DNHD1: variants seen among roughly 807,000 people sequenced by gnomAD.
The protein encoded by DNHD1 is dynein heavy chain domain-containing protein 1.
In DNHD1, 383 loss-of-function variants were observed where a neutral mutation model predicts 458.1. The ratio of observed to expected loss-of-function variants is 0.84; its 90% CI spans 0.77 to 0.91. The LOEUF is 0.91. Ranked by LOEUF, DNHD1 falls within the 40% of genes least tolerant of loss-of-function variation. The pLI is 0.00. For missense variants in DNHD1, 5,336 were observed against 5,866.1 expected, an observed-to-expected ratio of 0.91 and a Z score of 2.95; for synonymous variants, 2,203 against 2,376.9, an observed-to-expected ratio of 0.93 and a Z score of 2.13.
intron 7 of DNHD1, among the ~76,000 whole-genome samples, chr11:6,516,922 A>T (rs189030591): frequency 5.3e-5 from 8 of 152,256 alleles, no homozygotes; most frequent in Admixed American, 2.0e-4. Flanking sequence ...CAAGATTGTT[A>T]TGAACATTCT....
intron 24 of DNHD1, among the ~76,000 whole-genome samples, chr11:6,552,189 A>G (rs969262102): frequency 5.7e-5 from 8 of 140,538 alleles, no homozygotes; most frequent in South Asian, 4.8e-4. Flanking sequence ...CTGTTTTCAC[A>G]CTGCAATAAA....
rs777219801 is a variant in DNHD1, at chr11:6,556,824, G to C, written c.7529G>C (p.Cys2510Ser). Reference sequence around the variant, plus strand: ...GCCACTGTCACAGTGCCAGGATACTGTGAGCGCCCACTGTGTCCACGCCTC... The same window carrying C: ...GCCACTGTCACAGTGCCAGGATACTCTGAGCGCCCACTGTGTCCACGCCTC... ...FLATVTVPGY[C>S]ERPLCPRLFR... Residue 2510 changes from cysteine (C) to serine (S), a missense_variant, in exon 25 of 43, where the codon TGT (cysteine) becomes TCT (serine). By Grantham distance (112) the Cys-to-Ser change is moderately radical. This residue lies in a region of DNHD1 where 3,932 missense variants were observed against 4,365.6 expected (regional missense o/e 0.90). Coordinates refer to ENST00000254579, the MANE Select transcript of DNHD1 (RefSeq NM_144666.3). 1.2e-5 allele frequency: 19 copies of C among 1,551,566 alleles called. No homozygotes were observed. The highest frequency in any genetic ancestry group is 1.6e-5 in the Non-Finnish European group (18 of 1,146,994).
chr11:6,539,356 A>G, intron 17 of DNHD1, 43 bp downstream of exon 17: 1 of 1,415,584 alleles, frequency 7.1e-7, no homozygotes, highest in South Asian at 1.2e-5. Context: ...GTCCAAAGCC[A>G]GGACCTGTAA....
intron 24 of DNHD1, among the ~76,000 whole-genome samples, chr11:6,556,090 T>C (rs1030200466): frequency 6.6e-6 from 1 of 152,150 alleles, no homozygotes. Context: ...CCTCCAGCCT[T>C]AGCCTCCCAA....
intron 28 of DNHD1, 29 bp from the exon 29 acceptor site, chr11:6,562,953 A>G: frequency 6.5e-7 from 1 of 1,545,746 alleles, no homozygotes. Flanking sequence ...CAAGATCTGG[A>G]GCTGCAGGGC....
In DNHD1 at chr11:6,568,799, C is replaced by T. The variant is rs1174873094; in HGVS notation, c.12796C>T (p.Leu4266Phe). 1.2e-6 allele frequency: 2 copies of T among 1,613,420 alleles called. No individual in the cohort carries two copies. The highest frequency in any genetic ancestry group is 2.2e-5 in the East Asian group (1 of 44,854). ...CCCCACCCAGGCACTACCTCTGCTC[C>T]TCCTCCATGGCCTCCTGCTACACCG... The part of the protein sequence containing the change: ...QPPTQALPLL[L>F]LHGLLLHRQL... The change falls in exon 39 of 43, where the codon CTC becomes TTC. Residue 4266 changes from leucine to phenylalanine, a missense_variant. By Grantham distance (22) the Leu-to-Phe change is conservative (BLOSUM62 0). This residue lies in a region of DNHD1 where 698 missense variants were observed against 664.9 expected (regional missense o/e 1.05). Coordinates refer to ENST00000254579, the MANE Select transcript of DNHD1 (RefSeq NM_144666.3).
Position 6,546,593 on chromosome 11 carries a change from T to C in DNHD1, c.5654T>C (p.Ile1885Thr). 1 of 1,551,770 alleles carries C rather than the reference T, an allele frequency of 6.4e-7. No homozygotes were observed. ...CTCAAGCAGATACTGGAAGACACAA[T>C]ACGGACACTAAATGTGACCAAGGAG... ...PLLKQILEDT[I>T]RTLNVTKEEP... Residue 1885 changes from isoleucine (I) to threonine (T), a missense_variant, in exon 21 of 43, where the codon ATA (isoleucine) becomes ACA (threonine). Ile to Thr is a moderately conservative substitution (Grantham distance 89). Around this residue, in one of 4 missense-constraint regions of DNHD1, gnomAD observed 3,932 missense variants for 4,365.6 expected, o/e 0.90. Transcript: ENST00000254579.
At chr11:6,528,300 T>A (rs1589875974) in intron 10 of DNHD1, among the ~76,000 whole-genome samples, 3 of 152,226 alleles carry the variant, frequency 2.0e-5, no homozygotes, top group South Asian at 4.1e-4. Flanking sequence ...GAGTAAATTA[T>A]GTTATTTGCA....
In DNHD1 at chr11:6,548,985, A is replaced by G. The variant is rs1853279757; in HGVS notation, c.7387+52A>G. 4.6e-6 allele frequency: 7 copies of G among 1,517,776 alleles called. No homozygotes were observed. The South Asian group carries it at 8.6e-5, about 19-fold the overall frequency. The allele number at this position is 1,517,776 out of a possible 1,614,324, so 94.0% of individuals were successfully genotyped here. On this transcript the variant is annotated intron_variant, in intron 24 of 42. Transcript: ENST00000254579. The surrounding 1 kb of genome is among the most constrained non-coding windows in gnomAD (Gnocchi z 4.4). Reference sequence around the variant, plus strand: ...GGAGCTACTGTCATCTCTTGAGACTATAAAATCCCTAGCAATATTCATTGA... The same window carrying G: ...GGAGCTACTGTCATCTCTTGAGACTGTAAAATCCCTAGCAATATTCATTGA...
At chr11:6,515,779 ATTT>A (rs61095437) in intron 7 of DNHD1, among the ~76,000 whole-genome samples, 1,944 of 108,230 alleles carry the variant, frequency 0.018, 14 homozygotes, top group African/African-American at 0.036. Context: ...CTATAGACAC[ATTT>A]TTTTTTTTTT....
chr11:6,512,235 T>C (rs113135651), intron 7 of DNHD1, among the ~76,000 whole-genome samples: 35,457 of 131,158 alleles, frequency 0.27, 5,406 homozygotes, highest in Admixed American at 0.32. Context: ...TTTTTTTTTT[T>C]TTTGAGACGG....
In DNHD1 at chr11:6,544,208, A is replaced by G; in HGVS notation, c.3716A>G (p.Lys1239Arg). The change falls in exon 19 of 43, where the codon AAA (lysine) becomes AGA (arginine). Residue 1239 changes from lysine (K) to arginine (R), a missense_variant. This residue lies in a region of DNHD1 where 3,932 missense variants were observed against 4,365.6 expected (regional missense o/e 0.90). Transcript: ENST00000254579. ...ATCGAAAAGTCAGGAGATTTAAACA[A>G]AATAGCTTTGGAGTGGGTGGCCATC... ...LAIEKSGDLN[K>R]IALEWVAIMH... 6.4e-7 allele frequency: 1 copy of G among 1,551,612 alleles called. No homozygotes were observed. The highest frequency in any genetic ancestry group is 8.7e-7 in the Non-Finnish European group (1 of 1,146,982).
intron 39 of DNHD1, 67 bp from the exon 40 acceptor site, chr11:6,569,942 A>G: frequency 7.1e-7 from 1 of 1,403,440 alleles, no homozygotes; most frequent in Non-Finnish European, 1.0e-6. Context: ...TGAACTGAAG[A>G]CAAGACTTGA....
In DNHD1 at chr11:6,534,619, AG is replaced by A. The variant is rs1852903424; in HGVS notation, c.2998+449del. ...GTGTGGTATAGAGAGGAGGCTACTG[AG>A]GGCCTCACTAATACACAGGAGGAGG... On this transcript the variant is annotated intron_variant, in intron 14 of 42. Coordinates refer to ENST00000254579, the MANE Select transcript of DNHD1 (RefSeq NM_144666.3). 2.6e-5 allele frequency among the ~76,000 whole-genome samples: 4 copies of A among 152,260 alleles called. No individual in the cohort carries two copies. In the South Asian group the frequency reaches 8.3e-4, roughly 32 times the overall value.
chr11:6,570,508 C>T, intron 41 of DNHD1, 110 bp from the exon 42 acceptor site: 1 of 1,480,196 alleles, frequency 6.8e-7, no homozygotes, highest in Non-Finnish European at 9.0e-7. Context: ...GGGTAATATT[C>T]ATACTGTTAT....
intron 10 of DNHD1, among the ~76,000 whole-genome samples, chr11:6,523,827 A>C (rs980157914): frequency 6.6e-6 from 1 of 152,106 alleles, no homozygotes; most frequent in African/African-American, 2.4e-5. Flanking sequence ...TCTCTACAAA[A>C]AAATTTACAA....
At chr11:6,511,758 T>C (rs1344890213) in intron 7 of DNHD1, among the ~76,000 whole-genome samples, 1 of 152,230 alleles carries the variant, frequency 6.6e-6, no homozygotes, top group African/African-American at 2.4e-5. Context: ...AATCCTGGTC[T>C]TTTATGCTGC....
At chr11:6,538,288 T>C (rs969602632) in intron 14 of DNHD1, 95 bp from the exon 15 acceptor site, 15 of 1,106,516 alleles carry the variant, frequency 1.4e-5, no homozygotes, top group Non-Finnish European at 2.0e-5. Flanking sequence ...TTCTGGACCC[T>C]ACCTTCTGTC....
intron 12 of DNHD1, 128 bp downstream of exon 12, chr11:6,529,249 C>A: frequency 9.5e-7 from 1 of 1,047,512 alleles, no homozygotes; most frequent in Non-Finnish European, 1.4e-6. Flanking sequence ...ATGAAGCCTT[C>A]CAAAGCCCGA....
Sources: allele counts gnomAD v4.1 joint callset (sites outside exome capture counted in the v4.1 genomes callset), GRCh38; gene constraint gnomAD v4.1.1; regional missense constraint gnomAD v4.1.1; non-coding constraint Gnocchi (gnomAD v3.1); transcripts MANE v1.5; gene names NCBI Gene and HGNC (gene_info 2026-07-23, HGNC 2026-07-21).